Variants in UMAD1 observed in about 807,000 individuals in gnomAD.
UMAD1 encodes the protein UBAP1-MVB12-associated (UMA)-domain containing protein 1.
UMAD1 carries 8 observed loss-of-function variants against 6.1 expected under a neutral mutation model. The ratio of observed to expected loss-of-function variants is 1.30; its 90% CI spans 0.76 to 2.35. The LOEUF (loss-of-function observed/expected upper bound fraction) is 2.35, where lower values mean the gene tolerates loss of function less well. Ranked by LOEUF, UMAD1 falls within the 30% of genes most tolerant of loss-of-function variation. The pLI, the probability that UMAD1 is intolerant of heterozygous loss-of-function variation, is 0.00. For missense variants in UMAD1, 130 were observed against 78.4 expected, an observed-to-expected ratio of 1.66 and a Z score of -2.49; for synonymous variants, 56 against 31.4, an observed-to-expected ratio of 1.78 and a Z score of -2.61.
At chr7:7,690,536 T>C (rs1371145749) in intron 2 of UMAD1, among the ~76,000 whole-genome samples, 1 of 152,188 alleles carries the variant, frequency 6.6e-6, no homozygotes, top group Non-Finnish European at 1.5e-5. Context: ...TGCAGTTTTT[T>C]AATATTTTGC....
At chr7:7,818,151 C>T (rs1040410625) in intron 3 of UMAD1, among the ~76,000 whole-genome samples, 13 of 152,246 alleles carry the variant, frequency 8.5e-5, no homozygotes, top group Admixed American at 7.9e-4. Flanking sequence ...ACCTTCCACC[C>T]TCTGATAAGA....
chr7:7,848,065 G>A (rs1783844690), intron 3 of UMAD1, among the ~76,000 whole-genome samples: 1 of 152,126 alleles, frequency 6.6e-6, no homozygotes, highest in African/African-American at 2.4e-5. Context: ...ACCTGTAGAA[G>A]CTCCTTTGAA....
At chr7:7,858,278 T>G (rs1784056047) in intron 3 of UMAD1, among the ~76,000 whole-genome samples, 1 of 152,196 alleles carries the variant, frequency 6.6e-6, no homozygotes, top group Non-Finnish European at 1.5e-5. Flanking sequence ...AATTTATTTA[T>G]TAGTATGTAT....
intron 2 of UMAD1, among the ~76,000 whole-genome samples, chr7:7,743,465 A>G (rs1456333481): frequency 6.6e-6 from 1 of 152,136 alleles, no homozygotes; most frequent in Non-Finnish European, 1.5e-5. Context: ...AATGTTCAGT[A>G]GTGTTTAAAG....
At chr7:7,835,366 T>A (rs1783545079) in intron 3 of UMAD1, among the ~76,000 whole-genome samples, 1 of 151,180 alleles carries the variant, frequency 6.6e-6, no homozygotes, top group African/African-American at 2.4e-5. Context: ...TATATGACAT[T>A]TTCATTGTAA....
intron 3 of UMAD1, among the ~76,000 whole-genome samples, chr7:7,836,757 G>T (rs978463276): frequency 1.3e-5 from 2 of 151,902 alleles, no homozygotes; most frequent in African/African-American, 4.8e-5. Context: ...CATAAGCAAA[G>T]AGAGATTTTA....
intron 2 of UMAD1, among the ~76,000 whole-genome samples, chr7:7,716,811 T>C (rs114327387): frequency 0.049 from 7,409 of 152,086 alleles, 599 homozygotes; most frequent in African/African-American, 0.17. Flanking sequence ...GCGGGCATGG[T>C]GGCGGGCGCC....
chr7:7,875,406 G>A (rs780055753), intron 3 of UMAD1, among the ~76,000 whole-genome samples: 38 of 152,134 alleles, frequency 2.5e-4, no homozygotes, highest in Non-Finnish European at 5.1e-4. Flanking sequence ...CCAGGAGCTG[G>A]TTTTTTGAAA....
intron 2 of UMAD1, among the ~76,000 whole-genome samples, chr7:7,757,170 A>G (rs987767525): frequency 2.6e-5 from 4 of 152,226 alleles, no homozygotes; most frequent in Non-Finnish European, 5.9e-5. Flanking sequence ...CAATTATATT[A>G]TGTATTCAAG....
chr7:7,721,341 A>G (rs1235056946), intron 2 of UMAD1, among the ~76,000 whole-genome samples: 3 of 152,152 alleles, frequency 2.0e-5, no homozygotes, highest in African/African-American at 7.2e-5. Flanking sequence ...CATATTCCAT[A>G]TGTGTGCAGA....
chr7:7,810,680 T>C (rs1037094058), intron 3 of UMAD1, among the ~76,000 whole-genome samples: 6 of 152,218 alleles, frequency 3.9e-5, no homozygotes, highest in African/African-American at 1.4e-4. Context: ...CCAATTTGTC[T>C]ATAATGAATG....
At chr7:7,662,536 C>G (rs891090937) in intron 1 of UMAD1, among the ~76,000 whole-genome samples, 9 of 152,206 alleles carry the variant, frequency 5.9e-5, no homozygotes, top group Non-Finnish European at 1.3e-4. Flanking sequence ...CCTCACCGCA[C>G]AGTCCCTCAA....
At chr7:7,664,146 G>A (rs1456442769) in intron 1 of UMAD1, among the ~76,000 whole-genome samples, 2 of 152,158 alleles carry the variant, frequency 1.3e-5, no homozygotes, top group Non-Finnish European at 2.9e-5. Flanking sequence ...AGTTTGTCTT[G>A]GAAAATCAGA....
At chr7:7,851,328 T>C (rs1783912233) in intron 3 of UMAD1, among the ~76,000 whole-genome samples, 1 of 152,208 alleles carries the variant, frequency 6.6e-6, no homozygotes. Context: ...TTTGAGTTGT[T>C]TTCACCTTTT....
At chr7:7,747,744 G>C (rs1781599359) in intron 2 of UMAD1, among the ~76,000 whole-genome samples, 1 of 151,976 alleles carries the variant, frequency 6.6e-6, no homozygotes, top group Non-Finnish European at 1.5e-5. Context: ...TTACCTGCTA[G>C]GTTGCCTTAT....
chr7:7,796,651 T>C (rs1260876305), intron 2 of UMAD1, among the ~76,000 whole-genome samples: 5 of 152,228 alleles, frequency 3.3e-5, no homozygotes, highest in Non-Finnish European at 7.3e-5. Flanking sequence ...TTCAAGATAG[T>C]GTCCCTGACA....
intron 2 of UMAD1, chr7:7,741,198 T>TATA (rs1219399050): frequency 6.6e-6 from 1 of 151,962 alleles, no homozygotes; most frequent in Non-Finnish European, 1.5e-5. Context: ...AGTAAGTCTT[T>TATA]ATAAAGTTTC....
At chr7:7,681,134 C>CA (rs1376652193) in intron 2 of UMAD1, among the ~76,000 whole-genome samples, 1 of 152,138 alleles carries the variant, frequency 6.6e-6, no homozygotes, top group Non-Finnish European at 1.5e-5. Context: ...TCAATATGGA[C>CA]ACCACAGAAT....
chr7:7,780,330 C>G (rs919729062), intron 2 of UMAD1, among the ~76,000 whole-genome samples: 5 of 152,208 alleles, frequency 3.3e-5, no homozygotes, highest in African/African-American at 1.2e-4. Flanking sequence ...ACAGACTGTG[C>G]TCCCAGTGAC....
Sources: gnomAD v4.1 joint callset for allele counts (sites outside exome capture counted in the v4.1 genomes callset) on GRCh38, gnomAD v4.1.1 for gene constraint, MANE v1.5 for transcripts, NCBI Gene and HGNC (gene_info 2026-07-23, HGNC 2026-07-21) for gene names.